The following LRRC8A variants were observed in gnomAD, a reference collection of about 807,000 sequenced individuals.
The protein encoded by LRRC8A is leucine rich repeat containing 8 VRAC subunit A.
A neutral mutation model predicts 52.5 loss-of-function variants in LRRC8A; 24 were observed. The observed-to-expected ratio is 0.46, with a 90% confidence interval of 0.33 to 0.64. The LOEUF is 0.64. Ranked by LOEUF, LRRC8A falls within the 30% of genes least tolerant of loss-of-function variation. The pLI, the probability that LRRC8A is intolerant of heterozygous loss-of-function variation, is 0.02. For synonymous variants in LRRC8A, 492 were observed against 494.2 expected, an observed-to-expected ratio of 1.00 and a Z score of 0.06; for missense variants, 677 against 1,094.7, an observed-to-expected ratio of 0.62 and a Z score of 5.38.
At chr9:128,915,590 G>A (rs1320156553) in intron 3 of LRRC8A, among the ~76,000 whole-genome samples, 1 of 152,238 alleles carries the variant, frequency 6.6e-6, no homozygotes, top group Admixed American at 6.5e-5. Flanking sequence ...CTCCCAAAGT[G>A]CTGGGATTAC....
chr9:128,904,335 G>A (rs564226421), intron 2 of LRRC8A, among the ~76,000 whole-genome samples: 52 of 152,030 alleles, frequency 3.4e-4, no homozygotes, highest in African/African-American at 1.2e-3. Context: ...CCTGGCCAAC[G>A]TGGCGAAATT....
chr9:128,905,837 C>T lies in LRRC8A; in HGVS notation c.-8-1320C>T, dbSNP rs866880356. Among the ~76,000 whole-genome samples the T allele has an allele frequency of 1.4e-4, 21 of 151,788 alleles. 1 individual carries two copies. Among genetic ancestry groups the T allele is most frequent in the South Asian group, 6.2e-4 (3 of 4,804 alleles). On this transcript the variant is annotated intron_variant, in intron 2 of 3. Coordinates refer to ENST00000372600, the MANE Select transcript of LRRC8A (RefSeq NM_019594.4). ...CCAGCCTGGCGACAGAGCAAGACTC[C>T]GTCTCAAAAAAAAAAGAAAAATCAG...
At chr9:128,894,101 A>G (rs903629521) in intron 2 of LRRC8A, among the ~76,000 whole-genome samples, 2 of 151,900 alleles carry the variant, frequency 1.3e-5, no homozygotes, top group African/African-American at 4.8e-5. Context: ...GGCTGGTCTC[A>G]AACTCCTGAC....
intron 3 of LRRC8A, among the ~76,000 whole-genome samples, chr9:128,914,387 T>A (rs1840712025): frequency 1.1e-5 from 1 of 92,224 alleles, no homozygotes; most frequent in South Asian, 3.7e-4. Flanking sequence ...CCACAGAGTG[T>A]CCAAGCTCAG....
In LRRC8A at chr9:128,882,832, C is replaced by T. The variant is rs568625572; in HGVS notation, c.-116+582C>T. On this transcript the variant is annotated intron_variant, in intron 1 of 3. Coordinates refer to ENST00000372600, the MANE Select transcript of LRRC8A (RefSeq NM_019594.4). ...GGTCCGGAATCTAAGAACCCAGACCCTGTCCCAGTCCTGTGCATTCAGGTG... is the reference window on the plus strand; with the variant it reads ...GGTCCGGAATCTAAGAACCCAGACCTTGTCCCAGTCCTGTGCATTCAGGTG... 7.5e-6 allele frequency: 3 copies of T among 398,708 alleles called. No individual in the cohort carries two copies. The South Asian group carries it at 3.8e-4, about 51-fold the overall frequency. 24.7% of individuals were successfully genotyped at this position (398,708 alleles called of 1,614,324 possible). A position where few individuals can be genotyped will look rare whatever the true frequency, so the allele number is the denominator to read the frequency against.
chr9:128,900,038 A>T (rs1008743792), intron 2 of LRRC8A, among the ~76,000 whole-genome samples: 1 of 152,182 alleles, frequency 6.6e-6, no homozygotes, highest in East Asian at 1.9e-4. Flanking sequence ...TCTTGTGGGT[A>T]TCTAGTCATC....
chr9:128,916,924 T>G lies in LRRC8A; in HGVS notation c.*553T>G. On this transcript the variant is annotated 3_prime_UTR_variant, in exon 4 of 4. Coordinates refer to ENST00000372600, the MANE Select transcript of LRRC8A (RefSeq NM_019594.4). The surrounding 1 kb of genome is among the most constrained non-coding windows in gnomAD (Gnocchi z 6.1). ...CAGCCATGGGACGGTCACCCAGCAG[T>G]GCCGGGCTGGGCTCTGCGGTGCGGT... The G allele has an allele frequency of 6.5e-6, 1 of 154,770 alleles. No individual in the cohort carries two copies. The highest frequency in any genetic ancestry group is 1.4e-5 in the Non-Finnish European group (1 of 69,376). The allele number at this position is 154,770 out of a possible 1,614,324, so 9.6% of individuals were successfully genotyped here. A position where few individuals can be genotyped will look rare whatever the true frequency, so the allele number is the denominator to read the frequency against.
chr9:128,912,362 C>G (rs1840586632), intron 3 of LRRC8A, among the ~76,000 whole-genome samples: 1 of 152,114 alleles, frequency 6.6e-6, no homozygotes, highest in Non-Finnish European at 1.5e-5. Context: ...TCCCTGGGAA[C>G]ACAGAGGAAC....
chr9:128,902,280 G>A lies in LRRC8A; in HGVS notation c.-8-4877G>A, dbSNP rs766905305. On this transcript the variant is annotated intron_variant, in intron 2 of 3. Coordinates refer to ENST00000372600, the MANE Select transcript of LRRC8A (RefSeq NM_019594.4). The surrounding 1 kb of genome is among the most constrained non-coding windows in gnomAD (Gnocchi z 4.1). The stretch of plus-strand genomic sequence containing the variant: ...CCCAGACCAAGCACGGAGTTGGGGC[G>A]GGTGGTCAGAATCAGACCTGATTGG... Among the ~76,000 whole-genome samples, 2 of 152,204 alleles carry A rather than the reference G, an allele frequency of 1.3e-5. No homozygotes were observed. The highest frequency in any genetic ancestry group is 1.9e-4 in the East Asian group (1 of 5,196).
rs532915010 is a variant in LRRC8A at position 128,916,643 on chromosome 9, C to G, written c.*272C>G. On this transcript the variant is annotated 3_prime_UTR_variant, in exon 4 of 4. Coordinates refer to ENST00000372600, the MANE Select transcript of LRRC8A (RefSeq NM_019594.4). This position sits in a 1 kb window ranked among gnomAD's most constrained non-coding sequence, Gnocchi z 6.1. ...GCAGTATTTGGATAATCAGGGTCTC[C>G]TCCCTGGAGGCCAGCTCTGCCCCAG... 52 of 427,276 alleles carry G rather than the reference C, an allele frequency of 1.2e-4. No homozygotes were observed. In the East Asian group the frequency reaches 1.8e-3, roughly 15 times the overall value. 26.5% of individuals were successfully genotyped at this position (427,276 alleles called of 1,614,324 possible).
intron 2 of LRRC8A, among the ~76,000 whole-genome samples, chr9:128,905,646 C>T (rs1473961508): frequency 6.6e-6 from 1 of 152,138 alleles, no homozygotes; most frequent in Non-Finnish European, 1.5e-5. Flanking sequence ...GGATCGAGAC[C>T]ATCCTGGTCA....
At chr9:128,889,384 C>T (rs1031530424) in intron 2 of LRRC8A, among the ~76,000 whole-genome samples, 1 of 152,138 alleles carries the variant, frequency 6.6e-6, no homozygotes, top group African/African-American at 2.4e-5. Context: ...GGACGCCATT[C>T]TTTCAGCCTT....
rs542835584 is a variant in LRRC8A, at chr9:128,892,803, G to C, written c.-9+6682G>C. Among the ~76,000 whole-genome samples the C allele has an allele frequency of 2.0e-5, 3 of 152,320 alleles. No homozygotes were observed. The highest frequency in any genetic ancestry group is 7.2e-5 in the African/African-American group (3 of 41,578). On this transcript the variant is annotated intron_variant, in intron 2 of 3. Transcript: ENST00000372600. The surrounding 1 kb of genome is among the most constrained non-coding windows in gnomAD (Gnocchi z 5.2). ...GAGAGCGGCCCCTTCGCGCTCCCTG[G>C]GAGAGCACTGGAGGGCCAGCCTTCC...
Position 128,902,140 on chromosome 9 carries a change from C to T in LRRC8A, c.-8-5017C>T, listed in dbSNP as rs148324785. 2.6e-5 allele frequency among the ~76,000 whole-genome samples: 4 copies of T among 152,348 alleles called. No individual in the cohort carries two copies. The highest frequency in any genetic ancestry group is 1.3e-4 in the Admixed American group (2 of 15,306). ...GCCATTGGAACCCCAGGGCCCTCCT[C>T]CACTCCCCAGACACACTCAAACTGG... On this transcript the variant is annotated intron_variant, in intron 2 of 3. Transcript: ENST00000372600. This position sits in a 1 kb window ranked among gnomAD's most constrained non-coding sequence, Gnocchi z 4.1.
chr9:128,909,971 C>T (rs1041817202), intron 3 of LRRC8A, among the ~76,000 whole-genome samples: 2 of 152,206 alleles, frequency 1.3e-5, no homozygotes. Flanking sequence ...ATCATTGTCA[C>T]TGGGAGTTTG....
rs761728966 is a variant in LRRC8A, at chr9:128,916,445, C to G, written c.*74C>G. ...AGGCCCGGAGGGGCAGGCCTAGCTTCTCCCAGAACTCCCGGACAGCCAGGA... is the reference window on the plus strand; with the variant it reads ...AGGCCCGGAGGGGCAGGCCTAGCTTGTCCCAGAACTCCCGGACAGCCAGGA... On this transcript the variant is annotated 3_prime_UTR_variant, in exon 4 of 4. Coordinates refer to ENST00000372600, the MANE Select transcript of LRRC8A (RefSeq NM_019594.4). This position sits in a 1 kb window ranked among gnomAD's most constrained non-coding sequence, Gnocchi z 6.1. The G allele has an allele frequency of 5.4e-6, 8 of 1,491,202 alleles. No homozygotes were observed. The highest frequency in any genetic ancestry group is 2.5e-4 in the Middle Eastern group (1 of 4,066). 92.4% of individuals were successfully genotyped at this position (1,491,202 alleles called of 1,614,324 possible).
intron 3 of LRRC8A, among the ~76,000 whole-genome samples, chr9:128,910,404 C>T (rs1002558691): frequency 7.2e-5 from 11 of 152,188 alleles, no homozygotes; most frequent in Admixed American, 3.3e-4. Flanking sequence ...AGAAGAGACT[C>T]GGAGTTGACC....
chr9:128,908,880 G>A lies in LRRC8A; in HGVS notation c.1716G>A (p.Leu572=), dbSNP rs1840373057. ...VTDVGVHLQK[L]SINNEGTKLI... ...ATGTGGGCGTGCACCTGCAGAAGCT[G>A]TCCATCAACAATGAGGGCACCAAGC... The change falls in exon 3 of 4, where the codon CTG becomes CTA. Residue 572 remains leucine (L), a synonymous_variant. Transcript: ENST00000372600. The A allele has an allele frequency of 6.2e-7, 1 of 1,613,892 alleles. No homozygotes were observed. The highest frequency in any genetic ancestry group is 8.5e-7 in the Non-Finnish European group (1 of 1,180,034).
chr9:128,898,199 T>C (rs936816709), intron 2 of LRRC8A, among the ~76,000 whole-genome samples: 23 of 152,110 alleles, frequency 1.5e-4, no homozygotes, highest in African/African-American at 5.3e-4. Flanking sequence ...AGTATTCCCT[T>C]ATCTGATCAT....
Sources: gnomAD v4.1 joint callset for allele counts (sites outside exome capture counted in the v4.1 genomes callset) on GRCh38, gnomAD v4.1.1 for gene constraint, Gnocchi (gnomAD v3.1) non-coding constraint, MANE v1.5 for transcripts, NCBI Gene and HGNC (gene_info 2026-07-23, HGNC 2026-07-21) for gene names.